The following IGFL2 variants were observed in gnomAD, a reference collection of about 807,000 sequenced individuals.
IGFL2 encodes the protein insulin growth factor-like family member 2.
Under a neutral mutation model 13.9 loss-of-function variants are expected in IGFL2, and 7 were observed. The ratio of observed to expected loss-of-function variants is 0.51; its 90% confidence interval spans 0.29 to 0.95. The LOEUF is 0.95. IGFL2 is among the 40% of genes least tolerant of loss of function. IGFL2 has a pLI of 0.08. For missense variants in IGFL2, 138 were observed against 147.8 expected (o/e 0.93, Z 0.34); for synonymous variants, 55 against 55.8 (o/e 0.99, Z 0.07).
upstream of IGFL2, among the ~76,000 whole-genome samples, chr19:46,139,797 A>G (rs557678420): frequency 6.6e-6 from 1 of 152,300 alleles, no homozygotes; most frequent in East Asian, 1.9e-4. Context: ...GAACAATACA[A>G]CTAACACACA....
chr19:46,193,010 T>G, the IGFL2 span, among the ~76,000 whole-genome samples: 5 of 151,898 alleles, frequency 3.3e-5, 1 homozygote, highest in South Asian at 1.0e-3. Context: ...GAAAACATGG[T>G]GAAATCCTAT....
the IGFL2 span, among the ~76,000 whole-genome samples, chr19:46,137,983 A>G: frequency 2.6e-5 from 4 of 152,176 alleles, no homozygotes; most frequent in Non-Finnish European, 5.9e-5. Flanking sequence ...AATCTTGACT[A>G]TCTTCATTGC....
At chr19:46,087,089 G>A in the IGFL2 span, among the ~76,000 whole-genome samples, 1 of 152,324 alleles carries the variant, frequency 6.6e-6, no homozygotes, top group East Asian at 1.9e-4. Flanking sequence ...GGTCCAGGCA[G>A]GCCAATCGTT....
downstream of IGFL2, among the ~76,000 whole-genome samples, chr19:46,163,575 C>G (rs950701168): frequency 6.6e-6 from 1 of 152,136 alleles, no homozygotes; most frequent in Non-Finnish European, 1.5e-5. Context: ...CGCTTAGGGC[C>G]TTTGCTCCTT....
At chr19:46,110,216 C>G in the IGFL2 span, among the ~76,000 whole-genome samples, 2 of 152,230 alleles carry the variant, frequency 1.3e-5, no homozygotes, top group Non-Finnish European at 2.9e-5. Context: ...TCTGTACATT[C>G]ACTTTTCATG....
chr19:46,200,263 G>A, the IGFL2 span, among the ~76,000 whole-genome samples: 2 of 151,846 alleles, frequency 1.3e-5, no homozygotes, highest in East Asian at 3.9e-4. Flanking sequence ...CCACTTCTCA[G>A]GCTCAGGAAA....
At chr19:46,150,445 G>A (rs1028391785) in intron 1 of IGFL2, among the ~76,000 whole-genome samples, 3 of 151,908 alleles carry the variant, frequency 2.0e-5, no homozygotes, top group Non-Finnish European at 4.4e-5. Context: ...TACCTAACTC[G>A]AGGTCATTAA....
At chr19:46,137,935 CTT>C in the IGFL2 span, among the ~76,000 whole-genome samples, 1 of 152,290 alleles carries the variant, frequency 6.6e-6, no homozygotes, top group Middle Eastern at 3.4e-3. Context: ...TTAGTAGATT[CTT>C]TAGATAACTT....
chr19:46,164,188 G>A (rs1391300394), downstream of IGFL2: 1 of 151,910 alleles, frequency 6.6e-6, no homozygotes, highest in African/African-American at 2.4e-5. Context: ...CTCCCTCTGG[G>A]AGCTCTGTCC....
the IGFL2 span, among the ~76,000 whole-genome samples, chr19:46,192,549 A>T: frequency 6.6e-6 from 1 of 151,516 alleles, no homozygotes; most frequent in South Asian, 2.1e-4. Flanking sequence ...CCTCCCAAGT[A>T]GCTGGGACTA....
At chr19:46,210,658 C>T in the IGFL2 span, among the ~76,000 whole-genome samples, 2 of 151,832 alleles carry the variant, frequency 1.3e-5, no homozygotes, top group Admixed American at 6.6e-5. Context: ...AGCCTTTTCA[C>T]GTTTTTCTTC....
intron 1 of IGFL2, among the ~76,000 whole-genome samples, chr19:46,153,152 G>A (rs1277128838): frequency 2.0e-5 from 3 of 152,126 alleles, no homozygotes; most frequent in African/African-American, 7.2e-5. Flanking sequence ...GTCTTTGTCT[G>A]GTTTCGGTAT....
At chr19:46,088,688 G>A in the IGFL2 span, among the ~76,000 whole-genome samples, 6 of 152,148 alleles carry the variant, frequency 3.9e-5, no homozygotes, top group African/African-American at 1.4e-4. Context: ...AGGCATTTGG[G>A]TGACAATAAA....
At chr19:46,107,952 C>T in the IGFL2 span, among the ~76,000 whole-genome samples, 5 of 152,206 alleles carry the variant, frequency 3.3e-5, no homozygotes, top group African/African-American at 1.2e-4. Flanking sequence ...GGAGCATTAA[C>T]CTTGACTATG....
At chr19:46,085,667 T>C in the IGFL2 span, among the ~76,000 whole-genome samples, 1 of 152,174 alleles carries the variant, frequency 6.6e-6, no homozygotes, top group African/African-American at 2.4e-5. Context: ...TGTCATCATG[T>C]TGTTAGCTGG....
At chr19:46,210,626 A>G in the IGFL2 span, among the ~76,000 whole-genome samples, 2 of 152,222 alleles carry the variant, frequency 1.3e-5, no homozygotes, top group African/African-American at 4.8e-5. Flanking sequence ...AGAAAGACGT[A>G]GGCTGGAAGC....
chr19:46,136,483 C>T, the IGFL2 span, among the ~76,000 whole-genome samples: 297 of 152,218 alleles, frequency 2.0e-3, 2 homozygotes, highest in African/African-American at 6.0e-3. Flanking sequence ...GAAAAAATCA[C>T]ATGATATTGG....
the IGFL2 span, among the ~76,000 whole-genome samples, chr19:46,117,066 T>C: frequency 6.6e-6 from 1 of 152,202 alleles, no homozygotes; most frequent in Non-Finnish European, 1.5e-5. Flanking sequence ...AATGAAGCCT[T>C]AAAATCTTGA....
the IGFL2 span, among the ~76,000 whole-genome samples, chr19:46,192,988 G>A: frequency 2.6e-5 from 4 of 151,530 alleles, no homozygotes; most frequent in Admixed American, 2.0e-4. Context: ...TCAGGAGTTC[G>A]AGACCAGCCT....
Sources: gnomAD v4.1 joint callset for allele counts (sites outside exome capture counted in the v4.1 genomes callset) on GRCh38, gnomAD v4.1.1 for gene constraint, MANE v1.5 for transcripts, NCBI Gene and HGNC (gene_info 2026-07-23, HGNC 2026-07-21) for gene names.